The following PPL variants were observed in gnomAD, a reference collection of about 807,000 sequenced individuals.
PPL encodes 190 kDa paraneoplastic pemphigus antigen.
A neutral mutation model predicts 194.4 loss-of-function variants in PPL; 198 were observed. The observed-to-expected ratio is 1.02, with a 90% confidence interval of 0.91 to 1.15. The LOEUF (loss-of-function observed/expected upper bound fraction) is 1.15. Among genes scored for constraint, PPL ranks in the 50% most tolerant of loss-of-function variants. PPL has a pLI of 0.00. For synonymous variants in PPL, 1,220 were observed against 972.4 expected (o/e 1.25, Z -4.74); for missense variants, 2,885 against 2,294.8 (o/e 1.26, Z -5.25).
chr16:4,890,534 G>C (rs1448261258), intron 17 of PPL, among the ~76,000 whole-genome samples, 194 bp downstream of exon 17: 1 of 152,218 alleles, frequency 6.6e-6, no homozygotes, highest in Non-Finnish European at 1.5e-5. Context: ...TTGACTTGCA[G>C]AGATGCCCAT....
intron 6 of PPL, among the ~76,000 whole-genome samples, chr16:4,900,448 T>TTTTTTTTTTTC: frequency 8.2e-6 from 1 of 121,864 alleles, no homozygotes; most frequent in Non-Finnish European, 1.7e-5. Flanking sequence ...TTTTTTTTTT[T>TTTTTTTTTTTC]TTTTTTTTAA....
intron 1 of PPL, among the ~76,000 whole-genome samples, chr16:4,918,613 G>C (rs552776298): frequency 2.9e-4 from 44 of 152,268 alleles, no homozygotes; most frequent in African/African-American, 1.0e-3. Flanking sequence ...TTACAGATGG[G>C]GAAATTGAGG....
intron 2 of PPL, among the ~76,000 whole-genome samples, chr16:4,907,864 T>TA (rs71402573): frequency 1.3e-5 from 2 of 151,892 alleles, no homozygotes; most frequent in African/African-American, 2.4e-5. Flanking sequence ...CAGTTGAAGT[T>TA]AAAAAAATAG....
chr16:4,903,194 G>A (rs1162537964), intron 3 of PPL, among the ~76,000 whole-genome samples: 4 of 152,114 alleles, frequency 2.6e-5, no homozygotes, highest in African/African-American at 9.7e-5. Flanking sequence ...CCTTGCCGGG[G>A]TGGAGATAGG....
rs1184266520 is a variant in PPL, at chr16:4,885,768, T to C, written c.2887A>G (p.Lys963Glu). ...AGCTCCTCCTGCAGCAGCTGGTTCT[T>C]GTGCTGCTCCTCTGCCAGCGTCCGC... Reference protein sequence around the residue: ...LQRTLAEEQHKNQLLQEELEA... With the variant: ...LQRTLAEEQHENQLLQEELEA... The change falls in exon 22 of 22, where the codon AAG becomes GAG. Residue 963 changes from lysine to glutamate, a missense_variant. Lys to Glu is a moderately conservative substitution (Grantham distance 56). Transcript: ENST00000345988. The surrounding 1 kb of genome is among the most constrained non-coding windows in gnomAD (Gnocchi z 6.3). 3 of 1,611,756 alleles carry C rather than the reference T, an allele frequency of 1.9e-6. No homozygotes were observed. The Admixed American group carries it at 5.0e-5, about 27-fold the overall frequency.
At chr16:4,935,571 G>A (rs764236396) in intron 1 of PPL, among the ~76,000 whole-genome samples, 5 of 152,162 alleles carry the variant, frequency 3.3e-5, no homozygotes, top group Non-Finnish European at 5.9e-5. Context: ...GGTTGTGAAA[G>A]ATAGGGGAGG....
chr16:4,933,684 G>A (rs2076960310), intron 1 of PPL, among the ~76,000 whole-genome samples: 1 of 152,172 alleles, frequency 6.6e-6, no homozygotes, highest in Admixed American at 6.5e-5. Context: ...CGACGCTCAT[G>A]TAACCATACA....
chr16:4,894,671 G>A, intron 11 of PPL, 53 bp from the exon 12 acceptor site: 3 of 1,583,272 alleles, frequency 1.9e-6, no homozygotes, highest in Non-Finnish European at 2.6e-6. Flanking sequence ...GAGGGCCTGG[G>A]AGCCCGGTTG....
intron 21 of PPL, among the ~76,000 whole-genome samples, chr16:4,886,917 C>A (rs1300253788): frequency 6.6e-6 from 1 of 152,258 alleles, no homozygotes; most frequent in Non-Finnish European, 1.5e-5. Flanking sequence ...CCATGCCCAG[C>A]TGAAAATAGC....
chr16:4,936,193 C>A (rs2089296205), intron 1 of PPL, among the ~76,000 whole-genome samples: 1 of 152,214 alleles, frequency 6.6e-6, no homozygotes, highest in African/African-American at 2.4e-5. Context: ...GGCTCAGAGA[C>A]GCCGCCAGTT....
intron 9 of PPL, 92 bp from the exon 10 acceptor site, chr16:4,895,808 C>T (rs2088416696): frequency 1.3e-6 from 2 of 1,568,434 alleles, no homozygotes; most frequent in African/African-American, 1.4e-5. Context: ...TCAGGCGGGG[C>T]TGGGCCTCCG....
At chr16:4,895,038 G>C (rs570210358) in intron 11 of PPL, among the ~76,000 whole-genome samples, 1 of 152,332 alleles carries the variant, frequency 6.6e-6, no homozygotes, top group Non-Finnish European at 1.5e-5. Context: ...GACTTCTGAG[G>C]AGGGACTGGG....
In PPL at chr16:4,884,970, T is replaced by C. The variant is rs746981859; in HGVS notation, c.3685A>G (p.Lys1229Glu). Residue 1229 changes from lysine to glutamate, a missense_variant, in exon 22 of 22, where the codon AAA (lysine) becomes GAA (glutamate). Lys to Glu is a moderately conservative substitution (Grantham distance 56). Transcript: ENST00000345988. The surrounding 1 kb of genome is among the most constrained non-coding windows in gnomAD (Gnocchi z 5.7). ...TTAATGACTTCCTTAGTCACCTCTTTGACTTCCACCTGGGGGCCTCGCCTC... is the reference window on the plus strand; with the variant it reads ...TTAATGACTTCCTTAGTCACCTCTTCGACTTCCACCTGGGGGCCTCGCCTC... ...LRRRGPQVEV[K>E]EVTKEVIKYK... 1.2e-6 allele frequency: 2 copies of C among 1,614,154 alleles called. No individual in the cohort carries two copies. Among genetic ancestry groups the C allele is most frequent in the Non-Finnish European group, 1.7e-6 (2 of 1,180,028 alleles).
intron 17 of PPL, 62 bp downstream of exon 17, chr16:4,890,666 T>A: frequency 6.6e-7 from 1 of 1,516,072 alleles, no homozygotes; most frequent in Admixed American, 2.3e-5. Context: ...AAAGCATTGC[T>A]TAGAGGGAAT....
intron 1 of PPL, among the ~76,000 whole-genome samples, chr16:4,933,414 G>T (rs537006956): frequency 3.3e-5 from 5 of 152,240 alleles, no homozygotes; most frequent in African/African-American, 1.2e-4. Context: ...ATTCAGAAGC[G>T]CTGGGGCTCA....
intron 1 of PPL, among the ~76,000 whole-genome samples, chr16:4,913,682 T>G (rs1302171923): frequency 6.6e-6 from 1 of 152,152 alleles, no homozygotes; most frequent in East Asian, 1.9e-4. Flanking sequence ...GGATTACAGG[T>G]GTGAGCCACC....
Position 4,937,047 on chromosome 16 carries a change from G to A in PPL, c.-2C>T, listed in dbSNP as rs1408416624. ...TCTCTTCCTGAAGAGCGAGTTCATGGTGGCGCTCGGGGTGCGGGCGGCGGC... is the reference window on the plus strand; with the variant it reads ...TCTCTTCCTGAAGAGCGAGTTCATGATGGCGCTCGGGGTGCGGGCGGCGGC... On this transcript the variant is annotated 5_prime_UTR_variant, in exon 1 of 22. Coordinates refer to ENST00000345988, the MANE Select transcript of PPL (RefSeq NM_002705.5). 7 of 1,475,592 alleles carry A rather than the reference G, an allele frequency of 4.7e-6. No homozygotes were observed. Among genetic ancestry groups the A allele is most frequent in the South Asian group, 1.4e-5 (1 of 71,526 alleles). 91.4% of individuals were successfully genotyped at this position (1,475,592 alleles called of 1,614,324 possible). A position where few individuals can be genotyped will look rare whatever the true frequency, so the allele number is the denominator to read the frequency against.
intron 13 of PPL, 73 bp downstream of exon 13, chr16:4,893,468 A>G: frequency 6.3e-7 from 1 of 1,594,472 alleles, no homozygotes. Context: ...CGTCTCATCC[A>G]CAGCACAGAC....
At position 4,884,143 on chromosome 16, in the gene PPL, ACT is replaced by A. The variant is rs2088162574; in HGVS notation, c.4510_4511del (p.Ser1504CysfsTer47). On this transcript the variant is annotated frameshift_variant, in exon 22 of 22. Coordinates refer to ENST00000345988, the MANE Select transcript of PPL (RefSeq NM_002705.5). LOFTEE classifies it high-confidence loss of function. This position sits in a 1 kb window ranked among gnomAD's most constrained non-coding sequence, Gnocchi z 5.7. The stretch of plus-strand genomic sequence containing the variant: ...CGGTGTCGCCCTTCTCCACCTGGAC[ACT>A]CTCGGAGAGCACCACCTTCTCCTTG... ...EVKEKVVLSE[S>X]VQVEKGDTEQ... 6 of 1,612,364 alleles carry A rather than the reference ACT, an allele frequency of 3.7e-6. No homozygotes were observed. The highest frequency in any genetic ancestry group is 4.5e-5 in the East Asian group (2 of 44,814).
Sources: allele counts gnomAD v4.1 joint callset (sites outside exome capture counted in the v4.1 genomes callset), GRCh38; gene constraint gnomAD v4.1.1; non-coding constraint Gnocchi (gnomAD v3.1); transcripts MANE v1.5; gene names NCBI Gene and HGNC (gene_info 2026-07-23, HGNC 2026-07-21).